Variants in WDFY3 observed in about 807,000 individuals in gnomAD.
WDFY3 encodes WD repeat and FYVE domain containing 3.
Under a neutral mutation model 409.6 loss-of-function variants are expected in WDFY3, and 66 were observed. The ratio of observed to expected loss-of-function variants is 0.16; its 90% CI spans 0.13 to 0.20. The LOEUF (loss-of-function observed/expected upper bound fraction) is 0.20, where lower values mean the gene tolerates loss of function less well. Ranked by LOEUF, WDFY3 falls within the 10% of genes least tolerant of loss-of-function variation. The probability of loss-of-function intolerance (pLI) is 1.00; values close to 1 mark genes in which losing one functional copy is unlikely to be tolerated. For synonymous variants in WDFY3, 1,521 were observed against 1,537.1 expected (o/e 0.99, Z 0.25); for missense variants, 3,031 against 4,298.1 (o/e 0.71, Z 8.24).
chr4:84,688,622 A>G (rs1728730271), intron 61 of WDFY3, among the ~76,000 whole-genome samples: 1 of 152,224 alleles, frequency 6.6e-6, no homozygotes, highest in South Asian at 2.1e-4. Context: ...GATTATGGGC[A>G]TCAAAAATAC....
At chr4:84,721,772 G>T (rs1734891235) in intron 46 of WDFY3, among the ~76,000 whole-genome samples, 200 bp from the exon 47 acceptor site, 1 of 152,086 alleles carries the variant, frequency 6.6e-6, no homozygotes, top group African/African-American at 2.4e-5. Context: ...CTGAACCTTA[G>T]TTTCTTATCT....
At chr4:84,825,775 A>G (rs1459226865) in intron 10 of WDFY3, among the ~76,000 whole-genome samples, 2 of 152,096 alleles carry the variant, frequency 1.3e-5, no homozygotes, top group Non-Finnish European at 2.9e-5. Context: ...ATAACCAGAC[A>G]TGTTTGTATT....
intron 7 of WDFY3, 82 bp downstream of exon 7, chr4:84,836,846 TG>T (rs1756641778): frequency 8.3e-7 from 1 of 1,205,104 alleles, no homozygotes; most frequent in African/African-American, 1.6e-5. Flanking sequence ...AGTTAAAAAA[TG>T]GAATATGTAA....
chr4:84,774,851 G>C lies in WDFY3; in HGVS notation c.4723C>G (p.Gln1575Glu), dbSNP rs1205550697. The C allele has an allele frequency of 1.2e-6, 2 of 1,612,364 alleles. No individual in the cohort carries two copies. The highest frequency in any genetic ancestry group is 1.7e-6 in the Non-Finnish European group (2 of 1,179,548). ...AGATCATTGCTGCTAGGAAAACCTTGCAGTAAGAAGCTCAGGACATTACTA... is the reference window on the plus strand; with the variant it reads ...AGATCATTGCTGCTAGGAAAACCTTCCAGTAAGAAGCTCAGGACATTACTA... ...AISNVLSFLL[Q>E]GFPSSNDLLR... The change falls in exon 29 of 68, where the codon CAA becomes GAA. Residue 1575 changes from glutamine (Q) to glutamate (E), a missense_variant. Physicochemically the swap from Gln to Glu is conservative, Grantham distance 29. This residue lies in a region of WDFY3 where 342 missense variants were observed against 463.7 expected (regional missense o/e 0.74). Transcript: ENST00000295888.
In WDFY3 at chr4:84,682,419, C is replaced by T; in HGVS notation, c.9778G>A (p.Ala3260Thr). The T allele has an allele frequency of 6.2e-7, 1 of 1,613,964 alleles. No individual in the cohort carries two copies. Among genetic ancestry groups the T allele is most frequent in the Non-Finnish European group, 8.5e-7 (1 of 1,180,016 alleles). The change falls in exon 64 of 68, where the codon GCT becomes ACT. Residue 3260 changes from alanine (A) to threonine (T), a missense_variant. Around this residue, in one of 16 missense-constraint regions of WDFY3, gnomAD observed 378 missense variants for 477.3 expected, o/e 0.79. Coordinates refer to ENST00000295888, the MANE Select transcript of WDFY3 (RefSeq NM_014991.6). ...TCTTCCTGCATTTCTAGGACTTCAG[C>T]AGGCTCAGGAGCTGGTGTTTCAGGA... ...QVPETPAPEP[A>T]EVLEMQEDCP...
rs1386290629 is a variant in WDFY3, at chr4:84,684,133, G to A, written c.9544-8C>T. ...GCAGGACACAATGTCCCCCTGAGAA[G>A]AGAGAGAAAAACGTCATTCTCTTTG... On this transcript the variant is annotated splice_polypyrimidine_tract_variant and splice_region_variant and intron_variant, in intron 62 of 67. Transcript: ENST00000295888. 1.3e-6 allele frequency: 2 copies of A among 1,536,120 alleles called. No individual in the cohort carries two copies. The highest frequency in any genetic ancestry group is 1.8e-6 in the Non-Finnish European group (2 of 1,129,080).
intron 6 of WDFY3, 139 bp from the exon 7 acceptor site, chr4:84,837,229 C>A: frequency 1.4e-6 from 1 of 693,866 alleles, no homozygotes; most frequent in Non-Finnish European, 2.1e-6. Context: ...AAAATGACTC[C>A]AAGTGAAGAA....
chr4:84,677,961 CAAAAAAAAAAAAAA>C (rs986393073), intron 66 of WDFY3, among the ~76,000 whole-genome samples, 193 bp downstream of exon 66: 2 of 21,180 alleles, frequency 9.4e-5, no homozygotes, highest in African/African-American at 1.8e-4. Context: ...GACCCTGTCT[CAAAAAAAAAAAAAA>C]AAAAAAAAAA....
intron 1 of WDFY3, among the ~76,000 whole-genome samples, chr4:84,939,574 C>G (rs986627439): frequency 6.6e-6 from 1 of 152,032 alleles, no homozygotes; most frequent in Non-Finnish European, 1.5e-5. Context: ...TTCCTTTCTC[C>G]TCTATTCATT....
chr4:84,698,937 C>T (rs1730606481), intron 56 of WDFY3, among the ~76,000 whole-genome samples: 1 of 152,200 alleles, frequency 6.6e-6, no homozygotes, highest in African/African-American at 2.4e-5. Flanking sequence ...ATCTGCCCAC[C>T]TCAGCTTCCC....
intron 52 of WDFY3, 87 bp downstream of exon 52, chr4:84,709,206 T>G: frequency 7.0e-7 from 1 of 1,432,072 alleles, no homozygotes. Context: ...TGGTATATAT[T>G]TTATGGATAA....
intron 22 of WDFY3, among the ~76,000 whole-genome samples, chr4:84,788,928 G>A (rs560105117): frequency 2.0e-5 from 3 of 152,304 alleles, no homozygotes; most frequent in Non-Finnish European, 2.9e-5. Context: ...GCTGAGGCAG[G>A]AGAATTGCTC....
In WDFY3 at chr4:84,806,200, T is replaced by C. The variant is rs1051616421; in HGVS notation, c.2429+2134A>G. On this transcript the variant is annotated intron_variant, in intron 15 of 67. Coordinates refer to ENST00000295888, the MANE Select transcript of WDFY3 (RefSeq NM_014991.6). ...TCTAGAAACAGTGTGACTTAAATTC[T>C]AATTTCAAGTCACTAGACTTGAATT... Among the ~76,000 whole-genome samples the C allele has an allele frequency of 2.6e-5, 4 of 152,242 alleles. No homozygotes were observed. The East Asian group carries it at 7.7e-4, about 29-fold the overall frequency.
chr4:84,867,731 G>A (rs1027835560), intron 3 of WDFY3, among the ~76,000 whole-genome samples: 19 of 152,280 alleles, frequency 1.2e-4, no homozygotes, highest in African/African-American at 3.8e-4. Context: ...AACTAGCTGC[G>A]TTTGAGTAGC....
chr4:84,708,428 CTT>C (rs1732342169), intron 53 of WDFY3, among the ~76,000 whole-genome samples: 1 of 152,166 alleles, frequency 6.6e-6, no homozygotes, highest in Admixed American at 6.6e-5. Context: ...ATTATCCAAA[CTT>C]TTTATATGTC....
chr4:84,952,988 C>G (rs1412858010), intron 1 of WDFY3, among the ~76,000 whole-genome samples: 1 of 152,040 alleles, frequency 6.6e-6, no homozygotes, highest in Non-Finnish European at 1.5e-5. Flanking sequence ...CTCATGTTCA[C>G]TGCAGCATTA....
chr4:84,791,032 C>T (rs1439927905), intron 21 of WDFY3, among the ~76,000 whole-genome samples: 1 of 152,056 alleles, frequency 6.6e-6, no homozygotes, highest in Non-Finnish European at 1.5e-5. Flanking sequence ...GCTGCAGCTG[C>T]TATGGAAAAC....
intron 7 of WDFY3, among the ~76,000 whole-genome samples, chr4:84,835,911 A>T (rs1756505706): frequency 6.6e-6 from 1 of 152,164 alleles, no homozygotes; most frequent in African/African-American, 2.4e-5. Context: ...AAGCCTCAAA[A>T]AACCTTTTAG....
intron 30 of WDFY3, among the ~76,000 whole-genome samples, chr4:84,769,641 C>T (rs986280856): frequency 1.3e-5 from 2 of 152,066 alleles, no homozygotes; most frequent in African/African-American, 4.8e-5. Flanking sequence ...CCAGGATGGT[C>T]TCGATCTCCT....
Sources: gnomAD v4.1 joint callset for allele counts (sites outside exome capture counted in the v4.1 genomes callset) on GRCh38, gnomAD v4.1.1 for gene constraint, gnomAD v4.1.1 regional missense constraint, MANE v1.5 for transcripts, NCBI Gene and HGNC (gene_info 2026-07-23, HGNC 2026-07-21) for gene names.